ROBO2: variants seen among roughly 807,000 people sequenced by gnomAD.
The protein encoded by ROBO2 is roundabout guidance receptor 2.
Under a neutral mutation model 160.8 loss-of-function variants are expected in ROBO2, and 53 were observed. The ratio of observed to expected loss-of-function variants is 0.33; its 90% CI spans 0.26 to 0.41. The LOEUF (loss-of-function observed/expected upper bound fraction) is 0.41. ROBO2 is among the 10% of genes least tolerant of loss of function. The pLI, the probability that ROBO2 is intolerant of heterozygous loss-of-function variation, is 1.00. For missense variants in ROBO2, 1,577 were observed against 1,722.4 expected (o/e 0.92, Z 1.49); for synonymous variants, 664 against 611.7 (o/e 1.09, Z -1.26).
At chr3:76,362,598 T>C (rs950261965) in intron 2 of ROBO2, among the ~76,000 whole-genome samples, 2 of 152,148 alleles carry the variant, frequency 1.3e-5, no homozygotes, top group Admixed American at 6.6e-5. Flanking sequence ...TATTAATTCA[T>C]GAATACATGT....
intron 5 of ROBO2, among the ~76,000 whole-genome samples, chr3:77,507,114 A>G (rs934538874): frequency 2.0e-5 from 3 of 152,158 alleles, no homozygotes; most frequent in African/African-American, 7.2e-5. Context: ...TCTGAACCTC[A>G]TTTTCAAATA....
chr3:77,171,867 C>T (rs1339462386), intron 2 of ROBO2, among the ~76,000 whole-genome samples: 5 of 152,110 alleles, frequency 3.3e-5, no homozygotes, highest in Non-Finnish European at 5.9e-5. Flanking sequence ...CAAAGCCTAC[C>T]TTAATGTGTA....
intron 2 of ROBO2, among the ~76,000 whole-genome samples, chr3:76,117,629 T>C (rs1320655996): frequency 6.6e-6 from 1 of 152,158 alleles, no homozygotes; most frequent in East Asian, 1.9e-4. Flanking sequence ...GGTATTTTGT[T>C]TTCCTCTTCT....
chr3:76,523,513 G>A (rs1444536738), intron 2 of ROBO2, among the ~76,000 whole-genome samples: 2 of 152,038 alleles, frequency 1.3e-5, no homozygotes, highest in Non-Finnish European at 2.9e-5. Context: ...GTTAGTGTCA[G>A]CCACCTGCCA....
chr3:77,576,260 A>G (rs912664058), intron 14 of ROBO2, among the ~76,000 whole-genome samples: 1 of 152,122 alleles, frequency 6.6e-6, no homozygotes, highest in African/African-American at 2.4e-5. Flanking sequence ...TGTGTGTCCT[A>G]TATCTCAATG....
chr3:77,603,952 G>A (rs1194088284), intron 20 of ROBO2: 2 of 151,986 alleles, frequency 1.3e-5, no homozygotes, highest in Admixed American at 6.6e-5. Flanking sequence ...TTAATTACAG[G>A]TTATTTGTAA....
chr3:77,537,790 G>A (rs2092223929), intron 6 of ROBO2, among the ~76,000 whole-genome samples: 1 of 152,092 alleles, frequency 6.6e-6, no homozygotes, highest in Admixed American at 6.6e-5. Flanking sequence ...AAATGGTGGT[G>A]GCAAGAGAGC....
intron 2 of ROBO2, among the ~76,000 whole-genome samples, chr3:76,960,744 T>G (rs2079589919): frequency 6.6e-6 from 1 of 152,152 alleles, no homozygotes; most frequent in Non-Finnish European, 1.5e-5. Flanking sequence ...TTCCATAATG[T>G]AAGAAATTTA....
At chr3:76,799,466 T>TA (rs1458126582) in intron 2 of ROBO2, among the ~76,000 whole-genome samples, 3 of 149,842 alleles carry the variant, frequency 2.0e-5, no homozygotes, top group South Asian at 4.2e-4. Flanking sequence ...TTCTTATATT[T>TA]AAAAAAACCT....
At chr3:76,326,708 T>C (rs1381857984) in intron 2 of ROBO2, among the ~76,000 whole-genome samples, 8 of 151,318 alleles carry the variant, frequency 5.3e-5, no homozygotes, top group African/African-American at 1.7e-4. Flanking sequence ...CATGCTGGTG[T>C]GCTGCACCCA....
At chr3:76,399,491 AG>A (rs1484055143) in intron 2 of ROBO2, among the ~76,000 whole-genome samples, 3 of 151,812 alleles carry the variant, frequency 2.0e-5, no homozygotes, top group Non-Finnish European at 4.4e-5. Flanking sequence ...TGCCTGCTTT[AG>A]TACCCCTAAG....
Position 76,083,770 on chromosome 3 carries a change from G to A in ROBO2, c.109+146168G>A, listed in dbSNP as rs552533148. Reference sequence around the variant, plus strand: ...TTCCTTTTATTCTGTATGTTACAAAGCAGAAATAATTGAATAGCGTGTAGA... The same window carrying A: ...TTCCTTTTATTCTGTATGTTACAAAACAGAAATAATTGAATAGCGTGTAGA... On this transcript the variant is annotated intron_variant, in intron 2 of 26. Coordinates refer to the ROBO2 transcript ENST00000487694. 2.0e-4 allele frequency among the ~76,000 whole-genome samples: 30 copies of A among 152,152 alleles called. No individual in the cohort carries two copies. In the South Asian group the frequency reaches 6.2e-3, roughly 32 times the overall value.
At chr3:77,335,440 A>G (rs1324615979) in intron 2 of ROBO2, among the ~76,000 whole-genome samples, 2 of 152,202 alleles carry the variant, frequency 1.3e-5, no homozygotes, top group Non-Finnish European at 2.9e-5. Context: ...CAGAGATCAA[A>G]AAATATCTGT....
chr3:76,036,783 C>A (rs2067123630), intron 2 of ROBO2, among the ~76,000 whole-genome samples: 1 of 152,050 alleles, frequency 6.6e-6, no homozygotes. Flanking sequence ...GGATTACAGG[C>A]ATGAGCCACT....
chr3:76,276,640 G>C (rs1414394497), intron 2 of ROBO2, among the ~76,000 whole-genome samples: 1 of 151,968 alleles, frequency 6.6e-6, no homozygotes, highest in Admixed American at 6.6e-5. Context: ...AAAGGCAATA[G>C]ATTATTGAAC....
In ROBO2 at chr3:77,142,006, G is replaced by A. The variant is rs73843477; in HGVS notation, c.388+43666G>A. Reference sequence around the variant, plus strand: ...ATTAAAAATATGGGCACCATTTTGCGTACTTGTGCTGTCTTATACGTTGAA... The same window carrying A: ...ATTAAAAATATGGGCACCATTTTGCATACTTGTGCTGTCTTATACGTTGAA... On this transcript the variant is annotated intron_variant, in intron 2 of 25. Transcript: ENST00000461745. Among the ~76,000 whole-genome samples the A allele has an allele frequency of 7.2e-3, 1,102 of 152,254 alleles. 8 individuals are homozygous for A. Among genetic ancestry groups the A allele is most frequent in the African/African-American group, 0.023 (967 of 41,536 alleles).
intron 2 of ROBO2, among the ~76,000 whole-genome samples, chr3:76,750,801 C>T (rs543300773): frequency 1.3e-4 from 20 of 152,170 alleles, no homozygotes; most frequent in African/African-American, 3.9e-4. Flanking sequence ...AAAGAGGACA[C>T]AAACAAATGG....
chr3:76,638,892 G>A (rs527794223), intron 2 of ROBO2, among the ~76,000 whole-genome samples: 3 of 152,224 alleles, frequency 2.0e-5, no homozygotes, highest in South Asian at 4.1e-4. Flanking sequence ...GAAAGTAGAC[G>A]ATAACTCACA....
chr3:76,198,540 T>C (rs750053489), intron 2 of ROBO2, among the ~76,000 whole-genome samples: 3 of 152,176 alleles, frequency 2.0e-5, no homozygotes, highest in African/African-American at 4.8e-5. Context: ...AGGGGTCTCT[T>C]GTAGGGGAAG....
Sources: gnomAD v4.1 joint callset for allele counts (sites outside exome capture counted in the v4.1 genomes callset) on GRCh38, gnomAD v4.1.1 for gene constraint, MANE v1.5 for transcripts, NCBI Gene and HGNC (gene_info 2026-07-23, HGNC 2026-07-21) for gene names.